Variants in RBFOX2 observed in about 807,000 individuals in gnomAD.
RBFOX2 encodes RNA binding protein fox-1 homolog 2.
RBFOX2 carries 10 observed loss-of-function variants against 49.1 expected under a neutral mutation model. The ratio of observed to expected loss-of-function variants is 0.20; its 90% CI spans 0.13 to 0.35. The LOEUF (loss-of-function observed/expected upper bound fraction) is 0.35, where lower values mean the gene tolerates loss of function less well. Ranked by LOEUF, RBFOX2 falls within the 10% of genes least tolerant of loss-of-function variation. RBFOX2 has a pLI of 1.00. For missense variants in RBFOX2, 323 were observed against 486.9 expected (o/e 0.66, Z 3.17); for synonymous variants, 183 against 187.4 (o/e 0.98, Z 0.19).
chr22:35,961,251 C>A (rs1282292258), intron 1 of RBFOX2, among the ~76,000 whole-genome samples: 1 of 152,130 alleles, frequency 6.6e-6, no homozygotes, highest in East Asian at 1.9e-4. Flanking sequence ...AATATGCACA[C>A]AAATACCCTC....
intron 2 of RBFOX2, among the ~76,000 whole-genome samples, chr22:35,801,133 A>C (rs1343220939): frequency 1.3e-5 from 2 of 152,232 alleles, no homozygotes; most frequent in African/African-American, 4.8e-5. Flanking sequence ...GGGATATTTT[A>C]TAAACCATAA....
rs1947037296 is a variant in RBFOX2, at chr22:35,789,099, T to C, written c.253-7353A>G. On this transcript the variant is annotated intron_variant, in intron 2 of 11. Coordinates refer to ENST00000405409, the Ensembl canonical transcript of RBFOX2. ...AGTTAATATAGAATATAACCCATAATGTAATACCCACCCCTCATCCCACCC... is the reference window on the plus strand; with the variant it reads ...AGTTAATATAGAATATAACCCATAACGTAATACCCACCCCTCATCCCACCC... 1.3e-5 allele frequency among the ~76,000 whole-genome samples: 2 copies of C among 152,192 alleles called. 1 individual carries two copies. The highest frequency in any genetic ancestry group is 4.1e-4 in the South Asian group (2 of 4,832).
intron 1 of RBFOX2, among the ~76,000 whole-genome samples, chr22:35,810,286 C>T (rs1038177949): frequency 6.7e-6 from 1 of 149,622 alleles, no homozygotes; most frequent in African/African-American, 2.5e-5. Context: ...GGACTAGATG[C>T]CAAAGGGGCA....
chr22:35,869,787 C>A lies in RBFOX2; in HGVS notation c.-33-59783G>T, dbSNP rs566264376. 9.2e-5 allele frequency among the ~76,000 whole-genome samples: 14 copies of A among 152,286 alleles called. 1 individual carries two copies. In the South Asian group the frequency reaches 2.7e-3, roughly 29 times the overall value. On this transcript the variant is annotated intron_variant, in intron 1 of 13. Coordinates refer to the RBFOX2 transcript ENST00000359369. Reference sequence around the variant, plus strand: ...ATGACATACTTCTACTGCAGACTTACCAAAGTGGAAATTCTTTTAGTCACT... The same window carrying A: ...ATGACATACTTCTACTGCAGACTTAACAAAGTGGAAATTCTTTTAGTCACT...
chr22:35,761,838 C>T (rs992355044), intron 6 of RBFOX2, among the ~76,000 whole-genome samples: 3 of 152,180 alleles, frequency 2.0e-5, no homozygotes, highest in Admixed American at 6.5e-5. Flanking sequence ...ATATGTCACT[C>T]TGAACCATGC....
upstream of RBFOX2, chr22:35,961,760 C>G (rs2056231741): frequency 8.3e-7 from 1 of 1,197,726 alleles, no homozygotes; most frequent in Non-Finnish European, 1.1e-6. Context: ...CCACCCGCCC[C>G]AAAAAGACGA....
At chr22:35,925,467 G>A (rs1054865218) in intron 1 of RBFOX2, among the ~76,000 whole-genome samples, 16 of 152,104 alleles carry the variant, frequency 1.1e-4, no homozygotes, top group Middle Eastern at 3.2e-3. Flanking sequence ...CCAGGAGTTC[G>A]AGGCTCCGCC....
intron 1 of RBFOX2, among the ~76,000 whole-genome samples, chr22:35,982,214 G>A (rs534746083): frequency 2.8e-4 from 42 of 152,198 alleles, no homozygotes; most frequent in Admixed American, 1.8e-3. Flanking sequence ...ACAAAAGACC[G>A]AAAAGGAAGA....
intron 1 of RBFOX2, among the ~76,000 whole-genome samples, chr22:35,868,078 G>A (rs930925875): frequency 2.0e-5 from 3 of 151,986 alleles, no homozygotes; most frequent in African/African-American, 7.3e-5. Flanking sequence ...TGGGTGTGGT[G>A]GTGTGAGCCT....
At chr22:36,019,143 G>C (rs2059153630) in intron 1 of RBFOX2, among the ~76,000 whole-genome samples, 1 of 152,192 alleles carries the variant, frequency 6.6e-6, no homozygotes, top group Non-Finnish European at 1.5e-5. Context: ...AACAGCCAGT[G>C]AATCTGTCAC....
intron 1 of RBFOX2, chr22:35,822,906 C>T (rs1954845505): frequency 2.7e-6 from 1 of 372,896 alleles, no homozygotes. Flanking sequence ...CTCACTGCAA[C>T]TTCCACCTCC....
At chr22:35,941,656 C>G (rs2053696201), upstream of RBFOX2, among the ~76,000 whole-genome samples, 1 of 152,082 alleles carries the variant, frequency 6.6e-6, no homozygotes, top group Non-Finnish European at 1.5e-5. Flanking sequence ...AGCATATTAA[C>G]AGAAATTCAT....
At chr22:35,882,258 AGTGATCAGT>A (rs1472240369) in intron 1 of RBFOX2, among the ~76,000 whole-genome samples, 2 of 152,168 alleles carry the variant, frequency 1.3e-5, no homozygotes, top group Non-Finnish European at 2.9e-5. Flanking sequence ...TAGAGAACGA[AGTGATCAGT>A]GATAGAATAT....
At position 36,028,749 on chromosome 22, in the gene RBFOX2, C is replaced by T. The variant is rs1479226488; in HGVS notation, c.-324G>A. Among the ~76,000 whole-genome samples the T allele has an allele frequency of 2.6e-5, 4 of 151,836 alleles. No homozygotes were observed. In the South Asian group the frequency reaches 8.3e-4, roughly 31 times the overall value. ...CGCGCCGCCCCGCCTCTCGCACTCC[C>T]GGAGCTCGCCCACCGGCCGCGCTGG... is the stretch of plus-strand genomic sequence containing the variant. On this transcript the variant is annotated 5_prime_UTR_variant, in exon 1 of 14. Coordinates refer to the RBFOX2 transcript ENST00000438146.
At chr22:35,934,611 T>C (rs2052831184) in intron 1 of RBFOX2, among the ~76,000 whole-genome samples, 1 of 152,160 alleles carries the variant, frequency 6.6e-6, no homozygotes, top group African/African-American at 2.4e-5. Flanking sequence ...GGGCCAGCCT[T>C]AGGAGCCTTA....
chr22:35,840,284 T>C (rs1958503568), exon 1 of RBFOX2: 1 of 1,613,798 alleles, frequency 6.2e-7, no homozygotes, highest in Non-Finnish European at 8.5e-7. Flanking sequence ...CACAGCTTTC[T>C]TTTCCACCCC....
At chr22:36,002,759 GACT>G (rs1168867471) in intron 1 of RBFOX2, among the ~76,000 whole-genome samples, 1 of 152,230 alleles carries the variant, frequency 6.6e-6, no homozygotes. Context: ...GAGTAGCTGG[GACT>G]ACAGGCATGT....
intron 1 of RBFOX2, among the ~76,000 whole-genome samples, chr22:35,821,331 T>C (rs1336906600): frequency 6.6e-6 from 1 of 152,018 alleles, no homozygotes; most frequent in Non-Finnish European, 1.5e-5. Flanking sequence ...GCCAGGCGTG[T>C]TGGCTCACAC....
intron 1 of RBFOX2, among the ~76,000 whole-genome samples, chr22:35,925,991 C>T (rs1162870128): frequency 1.3e-5 from 2 of 152,130 alleles, no homozygotes; most frequent in Non-Finnish European, 2.9e-5. Context: ...TCTAATCAAC[C>T]CTAGATGAGA....
Sources: gnomAD v4.1 joint callset for allele counts (sites outside exome capture counted in the v4.1 genomes callset) on GRCh38, gnomAD v4.1.1 for gene constraint, MANE v1.5 for transcripts, NCBI Gene and HGNC (gene_info 2026-07-23, HGNC 2026-07-21) for gene names.